CAMK2A: variants seen among roughly 807,000 people sequenced by gnomAD.
CAMK2A encodes calcium/calmodulin-dependent protein kinase type II subunit alpha.
In CAMK2A, 7 loss-of-function variants were observed where a neutral mutation model predicts 79.2. That is an observed-to-expected ratio of 0.09 (90% CI 0.05 to 0.17). The LOEUF (loss-of-function observed/expected upper bound fraction) is 0.17. Ranked by LOEUF, CAMK2A falls within the 10% of genes least tolerant of loss-of-function variation. The pLI is 1.00. For synonymous variants in CAMK2A, 242 were observed against 251.7 expected, an observed-to-expected ratio of 0.96 and a Z score of 0.36; for missense variants, 214 against 646.4, an observed-to-expected ratio of 0.33 and a Z score of 7.25.
chr5:150,289,451 C>T (rs1757571920), intron 1 of CAMK2A, 113 bp downstream of exon 1: 10 of 834,906 alleles, frequency 1.2e-5, no homozygotes, highest in African/African-American at 3.3e-5. Context: ...TGCAGCCTGC[C>T]TTCATCTGTG....
chr5:150,285,432 T>C (rs539021426), intron 1 of CAMK2A, among the ~76,000 whole-genome samples: 1 of 152,302 alleles, frequency 6.6e-6, no homozygotes, highest in East Asian at 1.9e-4. Context: ...CTCTCCAACG[T>C]GACATTGTCC....
At chr5:150,225,348 C>T (rs997879415) in intron 17 of CAMK2A, among the ~76,000 whole-genome samples, 4 of 152,062 alleles carry the variant, frequency 2.6e-5, no homozygotes, top group East Asian at 1.9e-4. Context: ...ACCAAGTCCC[C>T]GACAGGAAAA....
chr5:150,276,327 C>T (rs1481292848), intron 1 of CAMK2A, among the ~76,000 whole-genome samples: 1 of 152,230 alleles, frequency 6.6e-6, no homozygotes, highest in African/African-American at 2.4e-5. Context: ...TCACTTTCTT[C>T]TCTCTGCCCC....
chr5:150,258,159 G>A (rs1406747635), intron 3 of CAMK2A, among the ~76,000 whole-genome samples: 1 of 152,222 alleles, frequency 6.6e-6, no homozygotes, highest in Non-Finnish European at 1.5e-5. Context: ...CCAGAGGCAG[G>A]AGTGAAAGGG....
Position 150,256,948 on chromosome 5 carries a change from A to T in CAMK2A, c.273-117T>A, listed in dbSNP as rs546818701. ...GGGACCTCAGGACCTCAGCCACAAA[A>T]GGAGGGGCCCCAGGGTCACGGGGGT... On this transcript the variant is annotated intron_variant, in intron 4 of 18. Transcript: ENST00000671881. This position sits in a 1 kb window ranked among gnomAD's most constrained non-coding sequence, Gnocchi z 4.6. The T allele has an allele frequency of 1.2e-6, 1 of 830,764 alleles. No individual in the cohort carries two copies. The highest frequency in any genetic ancestry group is 1.7e-5 in the African/African-American group (1 of 58,134). 51.5% of individuals were successfully genotyped at this position (830,764 alleles called of 1,614,324 possible).
At chr5:150,224,534 C>G (rs984659574) in intron 17 of CAMK2A, among the ~76,000 whole-genome samples, 3 of 151,984 alleles carry the variant, frequency 2.0e-5, no homozygotes, top group Admixed American at 6.6e-5. Flanking sequence ...CCCCTAATAT[C>G]AGAAGCACGC....
intron 13 of CAMK2A, 141 bp from the exon 14 acceptor site, chr5:150,239,877 G>T (rs969871412): frequency 1.3e-6 from 1 of 758,060 alleles, no homozygotes; most frequent in Non-Finnish European, 2.3e-6. Context: ...TTGGCATCGG[G>T]ACAAGGAGTC....
Position 150,256,439 on chromosome 5 carries a change from C to G in CAMK2A, c.411+134G>C, listed in dbSNP as rs1756061056. 4.7e-6 allele frequency: 3 copies of G among 643,516 alleles called. No homozygotes were observed. In the East Asian group the frequency reaches 8.3e-5, roughly 18 times the overall value. The allele number at this position is 643,516 out of a possible 1,614,324, so 39.9% of individuals were successfully genotyped here. On this transcript the variant is annotated intron_variant, in intron 6 of 18. Transcript: ENST00000671881. The surrounding 1 kb of genome is among the most constrained non-coding windows in gnomAD (Gnocchi z 4.6). ...TCATCTGAACAGTGGGGAAAATAAT[C>G]TCACCCACCCCACCTTCCAGCCTAA...
intron 11 of CAMK2A, among the ~76,000 whole-genome samples, chr5:150,248,930 A>G (rs1755705297): frequency 6.6e-6 from 1 of 152,188 alleles, no homozygotes; most frequent in Non-Finnish European, 1.5e-5. Context: ...GAGCCATCTG[A>G]TTCAGACCTG....
At chr5:150,275,763 A>C (rs373373151) in intron 1 of CAMK2A, among the ~76,000 whole-genome samples, 1 of 152,222 alleles carries the variant, frequency 6.6e-6, no homozygotes, top group Non-Finnish European at 1.5e-5. Context: ...TCTTGAACAC[A>C]GGAACTTTAG....
intron 1 of CAMK2A, among the ~76,000 whole-genome samples, chr5:150,281,080 GC>G (rs1266862507): frequency 2.0e-5 from 3 of 152,286 alleles, no homozygotes; most frequent in African/African-American, 7.2e-5. Flanking sequence ...CACATCCAGA[GC>G]CCCCTCCTGT....
intron 13 of CAMK2A, 142 bp from the exon 14 acceptor site, chr5:150,239,878 ACAAGGAGT>A: frequency 1.3e-6 from 1 of 753,746 alleles, no homozygotes; most frequent in East Asian, 2.5e-5. Flanking sequence ...TGGCATCGGG[ACAAGGAGT>A]CAAGGAGTCA....
At chr5:150,240,834 C>T (rs1378226733) in intron 13 of CAMK2A, among the ~76,000 whole-genome samples, 5 of 152,214 alleles carry the variant, frequency 3.3e-5, no homozygotes, top group Non-Finnish European at 5.9e-5. Flanking sequence ...AAAGGCTCAT[C>T]CTATTCTAGA....
chr5:150,285,065 T>A (rs1432863802), intron 1 of CAMK2A, among the ~76,000 whole-genome samples: 5 of 152,150 alleles, frequency 3.3e-5, no homozygotes, highest in African/African-American at 1.2e-4. Flanking sequence ...GATTGGAAAA[T>A]CAGCAACATC....
In CAMK2A at chr5:150,256,018, T is replaced by G. The variant is rs77218321; in HGVS notation, c.411+555A>C. Among the ~76,000 whole-genome samples the G allele has an allele frequency of 0.028, 4,194 of 152,246 alleles. 201 individuals are homozygous for G. The highest frequency in any genetic ancestry group is 0.096 in the African/African-American group (3,971 of 41,522). Reference sequence around the variant, plus strand: ...GGTGCCAGTCCTAGACTCTGCAATCTCCTTCAGGTAAAAGAAAGGAGAACT... The same window carrying G: ...GGTGCCAGTCCTAGACTCTGCAATCGCCTTCAGGTAAAAGAAAGGAGAACT... On this transcript the variant is annotated intron_variant, in intron 6 of 18. Transcript: ENST00000671881. This position sits in a 1 kb window ranked among gnomAD's most constrained non-coding sequence, Gnocchi z 4.6.
At chr5:150,222,914 C>G (rs1580891235) in intron 18 of CAMK2A, 75 bp downstream of exon 18, 1 of 1,476,050 alleles carries the variant, frequency 6.8e-7, no homozygotes, top group Non-Finnish European at 9.5e-7. Flanking sequence ...CAGCAGCTTC[C>G]CCGACGTAAC....
At chr5:150,258,783 A>C (rs763517637) in intron 3 of CAMK2A, among the ~76,000 whole-genome samples, 3 of 152,214 alleles carry the variant, frequency 2.0e-5, no homozygotes, top group Non-Finnish European at 4.4e-5. Context: ...TCGTATTTGC[A>C]CATAAAATTT....
Position 150,245,098 on chromosome 5 carries a change from C to A in CAMK2A, c.984+63G>T, listed in dbSNP as rs368502509. ...CCGGGTCTTGCTCCAGGCCTGAAAG[C>A]CGGTCTCTGTTGGCAGAAACGCTGC... On this transcript the variant is annotated intron_variant, in intron 13 of 18. Transcript: ENST00000671881. 37 of 1,537,644 alleles carry A rather than the reference C, an allele frequency of 2.4e-5. No individual in the cohort carries two copies. The African/African-American group carries it at 4.8e-4, about 20-fold the overall frequency.
At position 150,237,573 on chromosome 5, in the gene CAMK2A, G is replaced by A. The variant is rs181502031; in HGVS notation, c.1066+1127C>T. ...CCACCACCGAGGCCTTCAGAGTGGC[G>A]GTTACCAGCCAAGCTCTAGAATCCG... On this transcript the variant is annotated intron_variant, in intron 15 of 18. Coordinates refer to ENST00000671881, the MANE Select transcript of CAMK2A (RefSeq NM_015981.4). Among the ~76,000 whole-genome samples the A allele has an allele frequency of 2.3e-3, 346 of 152,182 alleles. 1 individual carries two copies. Among genetic ancestry groups the A allele is most frequent in the Middle Eastern group, 6.8e-3 (2 of 294 alleles).
Sources: allele counts gnomAD v4.1 joint callset (sites outside exome capture counted in the v4.1 genomes callset), GRCh38; gene constraint gnomAD v4.1.1; non-coding constraint Gnocchi (gnomAD v3.1); transcripts MANE v1.5; gene names NCBI Gene and HGNC (gene_info 2026-07-23, HGNC 2026-07-21).